PPP1R1C: variants seen among roughly 807,000 people sequenced by gnomAD.
PPP1R1C encodes the protein protein phosphatase 1 regulatory inhibitor subunit 1C.
A neutral mutation model predicts 17.4 loss-of-function variants in PPP1R1C; 15 were observed. The observed-to-expected ratio is 0.86, with a 90% CI of 0.58 to 1.33. PPP1R1C has a LOEUF of 1.33. Ranked by LOEUF, PPP1R1C falls within the 40% of genes most tolerant of loss-of-function variation. The probability of loss-of-function intolerance (pLI) is 0.00; values close to 1 mark genes in which losing one functional copy is unlikely to be tolerated. For synonymous variants in PPP1R1C, 35 were observed against 43.1 expected, an observed-to-expected ratio of 0.81 and a Z score of 0.73; for missense variants, 143 against 130.0, an observed-to-expected ratio of 1.10 and a Z score of -0.48.
At chr2:182,053,557 C>T (rs1464042802) in intron 2 of PPP1R1C, among the ~76,000 whole-genome samples, 1 of 152,088 alleles carries the variant, frequency 6.6e-6, no homozygotes, top group African/African-American at 2.4e-5. Flanking sequence ...CTTTCTAGCT[C>T]TCATTACCCT....
intron 2 of PPP1R1C, among the ~76,000 whole-genome samples, chr2:182,041,993 G>A (rs1687197518): frequency 6.6e-6 from 1 of 152,022 alleles, no homozygotes; most frequent in African/African-American, 2.4e-5. Flanking sequence ...TGAACTTCTG[G>A]TAATCTGGGT....
At chr2:182,089,532 T>C (rs946297477) in intron 4 of PPP1R1C, among the ~76,000 whole-genome samples, 1 of 152,220 alleles carries the variant, frequency 6.6e-6, no homozygotes, top group East Asian at 1.9e-4. Flanking sequence ...ATATCTTCAA[T>C]AATCATAATT....
chr2:182,086,743 A>G (rs1037792466), intron 4 of PPP1R1C, among the ~76,000 whole-genome samples: 1 of 152,216 alleles, frequency 6.6e-6, no homozygotes, highest in African/African-American at 2.4e-5. Context: ...TATGTACACT[A>G]TACTAATGAA....
At chr2:182,041,083 G>A (rs1165111168) in intron 2 of PPP1R1C, among the ~76,000 whole-genome samples, 12 of 152,114 alleles carry the variant, frequency 7.9e-5, no homozygotes. Flanking sequence ...TTCCTGTAAT[G>A]CGATACGTCC....
chr2:182,114,380 G>A (rs777706342), intron 4 of PPP1R1C, among the ~76,000 whole-genome samples: 1 of 150,684 alleles, frequency 6.6e-6, no homozygotes, highest in South Asian at 2.1e-4. Context: ...TACATCAAAT[G>A]TAAGTCTCCT....
At chr2:182,074,034 T>A (rs999477121) in intron 4 of PPP1R1C, among the ~76,000 whole-genome samples, 19 of 147,790 alleles carry the variant, frequency 1.3e-4, no homozygotes, top group African/African-American at 4.7e-4. Context: ...AGTTAAAAAT[T>A]CTTCTTCTTT....
chr2:181,979,821 C>A (rs1264045686), intron 2 of PPP1R1C, among the ~76,000 whole-genome samples: 1 of 152,112 alleles, frequency 6.6e-6, no homozygotes, highest in Non-Finnish European at 1.5e-5. Context: ...GATATCAGGG[C>A]CCAGCTTTGC....
At chr2:182,105,337 T>C (rs954380906) in intron 4 of PPP1R1C, among the ~76,000 whole-genome samples, 1 of 152,170 alleles carries the variant, frequency 6.6e-6, no homozygotes, top group African/African-American at 2.4e-5. Flanking sequence ...CACTTAAAAA[T>C]TGTGGTCAAA....
intron 2 of PPP1R1C, among the ~76,000 whole-genome samples, chr2:182,058,739 T>G (rs1687762160): frequency 1.3e-5 from 2 of 152,146 alleles, no homozygotes; most frequent in African/African-American, 2.4e-5. Context: ...TTATGTATGC[T>G]CTACAGTGCT....
downstream of PPP1R1C, among the ~76,000 whole-genome samples, chr2:182,118,832 T>C (rs1039649694): frequency 1.1e-4 from 17 of 151,874 alleles, no homozygotes; most frequent in Admixed American, 8.5e-4. Flanking sequence ...CTTTCTTTCT[T>C]CCTTTTCTCT....
At chr2:182,084,380 T>A (rs1012739188) in intron 4 of PPP1R1C, among the ~76,000 whole-genome samples, 28 of 152,166 alleles carry the variant, frequency 1.8e-4, no homozygotes, top group Non-Finnish European at 4.4e-5. Context: ...GGTTTTATTT[T>A]AAGATTTTTA....
chr2:182,100,820 A>C (rs1485263597), intron 4 of PPP1R1C, among the ~76,000 whole-genome samples: 1 of 152,158 alleles, frequency 6.6e-6, no homozygotes, highest in Non-Finnish European at 1.5e-5. Flanking sequence ...TGCCATTTAC[A>C]ATTCAAAAAC....
chr2:181,980,836 T>A (rs941014245), intron 2 of PPP1R1C, among the ~76,000 whole-genome samples: 1 of 152,090 alleles, frequency 6.6e-6, no homozygotes, highest in Non-Finnish European at 1.5e-5. Context: ...TCATATACAC[T>A]CTACTGATTG....
chr2:182,131,321 G>A (rs1437909565), downstream of PPP1R1C: 1 of 151,894 alleles, frequency 6.6e-6, no homozygotes, highest in Non-Finnish European at 1.5e-5. Flanking sequence ...CACTAAATAT[G>A]TATATATGTA....
At chr2:182,066,952 CTGTGTGTGTGTGTGTTTGTGTGTGTG>C in intron 4 of PPP1R1C, among the ~76,000 whole-genome samples, 1 of 148,068 alleles carries the variant, frequency 6.8e-6, no homozygotes, top group Non-Finnish European at 1.5e-5. Flanking sequence ...GTGTGTGTGT[CTGTGTGTGTGTGTGTTTGTGTGTGTG>C]TGTGTGTGTG....
chr2:182,111,473 T>C (rs1338461373), intron 4 of PPP1R1C, among the ~76,000 whole-genome samples: 2 of 152,130 alleles, frequency 1.3e-5, no homozygotes, highest in African/African-American at 2.4e-5. Context: ...AAGGGATACA[T>C]TTATGGTGAG....
intron 4 of PPP1R1C, among the ~76,000 whole-genome samples, chr2:182,075,283 A>T (rs1688259272): frequency 6.6e-6 from 1 of 152,202 alleles, no homozygotes; most frequent in Non-Finnish European, 1.5e-5. Flanking sequence ...TTAGGAAAAG[A>T]TTCTCCCATG....
intron 2 of PPP1R1C, among the ~76,000 whole-genome samples, chr2:182,049,730 A>T (rs1687454037): frequency 6.6e-6 from 1 of 152,124 alleles, no homozygotes; most frequent in Admixed American, 6.5e-5. Flanking sequence ...AATACAATTC[A>T]GTTTACCTCT....
At chr2:181,971,500 T>G (rs1355838751) in intron 1 of PPP1R1C, among the ~76,000 whole-genome samples, 1 of 152,112 alleles carries the variant, frequency 6.6e-6, no homozygotes, top group Non-Finnish European at 1.5e-5. Context: ...GGAAGGAGTC[T>G]CTTTTGGTGC....
Sources: gnomAD v4.1 joint callset for allele counts (sites outside exome capture counted in the v4.1 genomes callset) on GRCh38, gnomAD v4.1.1 for gene constraint, MANE v1.5 for transcripts, NCBI Gene and HGNC (gene_info 2026-07-23, HGNC 2026-07-21) for gene names.